The following TP53BP1 variants were observed in gnomAD, a reference collection of about 807,000 sequenced individuals.
TP53BP1 encodes the protein tumor protein p53 binding protein 1.
TP53BP1 carries 61 observed loss-of-function variants against 200.8 expected under a neutral mutation model. That is an observed-to-expected ratio of 0.30 (90% CI 0.25 to 0.38). The LOEUF is 0.38. Ranked by LOEUF, TP53BP1 falls within the 10% of genes least tolerant of loss-of-function variation. TP53BP1 has a pLI of 1.00. For missense variants in TP53BP1, 2,144 were observed against 2,371.9 expected (o/e 0.90, Z 2.00); for synonymous variants, 822 against 844.3 (o/e 0.97, Z 0.46).
At chr15:43,471,145 T>C (rs547277405) in intron 10 of TP53BP1, among the ~76,000 whole-genome samples, 1 of 152,190 alleles carries the variant, frequency 6.6e-6, no homozygotes, top group African/African-American at 2.4e-5. Flanking sequence ...GCACATATAG[T>C]TTCACAAACA....
intron 23 of TP53BP1, among the ~76,000 whole-genome samples, chr15:43,413,535 A>G (rs747976641): frequency 3.3e-5 from 5 of 152,192 alleles, no homozygotes; most frequent in African/African-American, 1.2e-4. Context: ...ATTTACAACA[A>G]AGAGAAATTT....
chr15:43,491,643 A>AATAAACCC, intron 4 of TP53BP1, 26 bp downstream of exon 4: 1 of 1,540,212 alleles, frequency 6.5e-7, no homozygotes, highest in Non-Finnish European at 9.0e-7. Context: ...AATACATTTA[A>AATAAACCC]ATAAACCCCT....
chr15:43,485,615 G>T (rs916024551), intron 4 of TP53BP1, among the ~76,000 whole-genome samples: 1 of 137,022 alleles, frequency 7.3e-6, no homozygotes, highest in Non-Finnish European at 1.6e-5. Flanking sequence ...GGCCGAGATG[G>T]GCAGATCACT....
chr15:43,475,126 TAGTC>T (rs1283701050), intron 9 of TP53BP1, among the ~76,000 whole-genome samples: 1 of 152,112 alleles, frequency 6.6e-6, no homozygotes, highest in Non-Finnish European at 1.5e-5. Context: ...TGCCTAATAA[TAGTC>T]AGACCATGAA....
chr15:43,487,151 CAA>C (rs2079057461), intron 4 of TP53BP1, among the ~76,000 whole-genome samples: 1 of 151,850 alleles, frequency 6.6e-6, no homozygotes, highest in African/African-American at 2.4e-5. Context: ...AGAAAATGGA[CAA>C]AAGATATGAA....
At position 43,407,956 on chromosome 15, in the gene TP53BP1, A is replaced by G; in HGVS notation, c.5733T>C (p.Ser1911=). The change falls in exon 27 of 28, where the codon AGT becomes AGC. Residue 1911 remains serine (S), a synonymous_variant. Coordinates refer to ENST00000382044, the MANE Select transcript of TP53BP1 (RefSeq NM_001141980.3). ...GAASVKQHHS[S]AHNKDIALGV... is the part of the protein sequence containing the mutation. ...TCTTTCAGGTACCTTTGTTATGGGC[A>G]CTTGAATGGTGCTGCTTCACAGAGG... 1 of 1,612,998 alleles carries G rather than the reference A, an allele frequency of 6.2e-7. No individual in the cohort carries two copies. The highest frequency in any genetic ancestry group is 2.2e-5 in the East Asian group (1 of 44,862).
At chr15:43,416,168 C>G in intron 22 of TP53BP1, 57 bp downstream of exon 22, 2 of 1,474,820 alleles carry the variant, frequency 1.4e-6, no homozygotes, top group Non-Finnish European at 1.8e-6. Context: ...AGAATCTCCT[C>G]CCACTGTAAG....
chr15:43,460,692 T>C (rs930887683), intron 11 of TP53BP1, among the ~76,000 whole-genome samples: 4 of 152,196 alleles, frequency 2.6e-5, no homozygotes, highest in Admixed American at 2.6e-4. Flanking sequence ...GATCCTAAGT[T>C]TGAATCTGTT....
rs111594970 is a variant in TP53BP1, at chr15:43,410,010, G to A, written c.5306-269C>T. ...TAAAAACATCAAAGGTTCCTGCACCGGACCGTTGATAGGGATGGGAACACA... is the reference window on the plus strand; with the variant it reads ...TAAAAACATCAAAGGTTCCTGCACCAGACCGTTGATAGGGATGGGAACACA... On this transcript the variant is annotated intron_variant, in intron 24 of 27. Coordinates refer to ENST00000382044, the MANE Select transcript of TP53BP1 (RefSeq NM_001141980.3). Among the ~76,000 whole-genome samples the A allele has an allele frequency of 6.3e-4, 96 of 152,250 alleles. 2 individuals carry two copies. Among genetic ancestry groups the A allele is most frequent in the Admixed American group, 1.5e-3 (23 of 15,288 alleles).
At chr15:43,478,170 T>C (rs1347680486) in intron 7 of TP53BP1, among the ~76,000 whole-genome samples, 2 of 152,234 alleles carry the variant, frequency 1.3e-5, no homozygotes, top group African/African-American at 4.8e-5. Flanking sequence ...TCAATTATCC[T>C]CCTTACTAGT....
chr15:43,474,597 T>C (rs1404642992), intron 10 of TP53BP1, 76 bp downstream of exon 10: 1 of 937,742 alleles, frequency 1.1e-6, no homozygotes, highest in Admixed American at 2.2e-5. Context: ...TACAAAGAAG[T>C]AGTACATTTT....
chr15:43,450,991 C>T (rs555518831), intron 12 of TP53BP1, among the ~76,000 whole-genome samples: 13 of 152,302 alleles, frequency 8.5e-5, no homozygotes, highest in Non-Finnish European at 1.5e-4. Context: ...TCTCAAGCCT[C>T]AGCCTCCTAA....
chr15:43,475,485 T>A (rs897812414), intron 9 of TP53BP1, 80 bp downstream of exon 9: 11 of 1,507,804 alleles, frequency 7.3e-6, no homozygotes, highest in Middle Eastern at 1.8e-4. Flanking sequence ...GACTAGCAGA[T>A]AAGTTTAGCC....
At chr15:43,430,981 T>C (rs2045655186) in intron 17 of TP53BP1, among the ~76,000 whole-genome samples, 2 of 151,930 alleles carry the variant, frequency 1.3e-5, no homozygotes, top group Non-Finnish European at 2.9e-5. Context: ...CTCTCAAACT[T>C]TGGGGTGAGA....
intron 4 of TP53BP1, among the ~76,000 whole-genome samples, chr15:43,490,209 C>T (rs1347495702): frequency 6.6e-6 from 1 of 152,124 alleles, no homozygotes; most frequent in African/African-American, 2.4e-5. Context: ...CCTGATGCAG[C>T]CTCCTGAGTG....
intron 27 of TP53BP1, 84 bp from the exon 28 acceptor site, chr15:43,407,654 A>G (rs921073998): frequency 1.5e-6 from 2 of 1,322,690 alleles, no homozygotes; most frequent in South Asian, 1.4e-5. Context: ...TCTAACCAAT[A>G]CATCCCACTC....
At chr15:43,471,383 T>C (rs2046720992) in intron 10 of TP53BP1, among the ~76,000 whole-genome samples, 2 of 152,160 alleles carry the variant, frequency 1.3e-5, no homozygotes, top group South Asian at 4.1e-4. Context: ...CCTATATACT[T>C]AACAAACTTT....
intron 4 of TP53BP1, 136 bp downstream of exon 4, chr15:43,491,533 A>G: frequency 1.4e-6 from 1 of 734,550 alleles, no homozygotes; most frequent in Non-Finnish European, 2.4e-6. Flanking sequence ...AATACTATCT[A>G]ATACAACCCT....
chr15:43,410,114 T>A (rs1345767236), intron 24 of TP53BP1, among the ~76,000 whole-genome samples: 3 of 152,222 alleles, frequency 2.0e-5, no homozygotes, highest in African/African-American at 7.2e-5. Flanking sequence ...TCCTAAATCT[T>A]TCCTGTTGAA....
Sources: gnomAD v4.1 joint callset for allele counts (sites outside exome capture counted in the v4.1 genomes callset) on GRCh38, gnomAD v4.1.1 for gene constraint, MANE v1.5 for transcripts, NCBI Gene and HGNC (gene_info 2026-07-23, HGNC 2026-07-21) for gene names.